Variants in SULT2A1 observed in about 807,000 individuals in gnomAD.
The protein encoded by SULT2A1 is sulfotransferase 2A1.
A neutral mutation model predicts 33.9 loss-of-function variants in SULT2A1; 43 were observed. The observed-to-expected ratio is 1.27, with a 90% confidence interval of 1.00 to 1.64. The LOEUF is 1.64. Among genes scored for constraint, SULT2A1 ranks in the 40% most tolerant of loss-of-function variants. The pLI is 0.00. For missense variants in SULT2A1, 300 were observed against 335.1 expected (o/e 0.90, Z 0.82); for synonymous variants, 125 against 113.6 (o/e 1.10, Z -0.64).
intron 4 of SULT2A1, 142 bp downstream of exon 4, chr19:47,878,894 T>C: frequency 1.5e-6 from 1 of 681,480 alleles, no homozygotes; most frequent in Non-Finnish European, 2.7e-6. Flanking sequence ...ACCAGGGAGT[T>C]AATCCTGCTC....
At chr19:47,885,764 C>T (rs57889801) in intron 1 of SULT2A1, among the ~76,000 whole-genome samples, 1 of 152,314 alleles carries the variant, frequency 6.6e-6, no homozygotes, top group Admixed American at 6.5e-5. Context: ...AGCCCTCCCC[C>T]CAAGTAATTT....
chr19:47,876,945 C>T (rs1307645907), intron 4 of SULT2A1, among the ~76,000 whole-genome samples: 6 of 149,038 alleles, frequency 4.0e-5, no homozygotes, highest in Admixed American at 6.8e-5. Context: ...GGCATGGCGG[C>T]GTGCATCTGT....
intron 3 of SULT2A1, among the ~76,000 whole-genome samples, chr19:47,879,801 A>G: frequency 6.8e-6 from 1 of 148,148 alleles, no homozygotes; most frequent in Non-Finnish European, 1.5e-5. Context: ...AGGGGGAGGG[A>G]TAGCATTAGG....
chr19:47,876,249 C>T (rs1968543109), intron 4 of SULT2A1, among the ~76,000 whole-genome samples: 1 of 152,130 alleles, frequency 6.6e-6, no homozygotes, highest in Non-Finnish European at 1.5e-5. Flanking sequence ...CTCCTGAGCT[C>T]AGGTGATCTG....
At chr19:47,874,146 G>A (rs1353918940) in intron 5 of SULT2A1, among the ~76,000 whole-genome samples, 5 of 152,120 alleles carry the variant, frequency 3.3e-5, no homozygotes, top group South Asian at 2.1e-4. Context: ...CTTCCCGGGC[G>A]GAACCAATTT....
chr19:47,880,059 A>T (rs1052923958), intron 3 of SULT2A1, among the ~76,000 whole-genome samples: 2 of 151,718 alleles, frequency 1.3e-5, no homozygotes, highest in African/African-American at 4.8e-5. Context: ...ACACAGTGAA[A>T]CCCTGTCTCT....
At chr19:47,884,211 A>C (rs1313125742) in intron 1 of SULT2A1, among the ~76,000 whole-genome samples, 1 of 150,196 alleles carries the variant, frequency 6.7e-6, no homozygotes, top group Non-Finnish European at 1.5e-5. Context: ...TTGCTCTGTC[A>C]CCCAGGCTGG....
At chr19:47,875,259 G>T (rs1011470009) in intron 4 of SULT2A1, among the ~76,000 whole-genome samples, 2 of 151,744 alleles carry the variant, frequency 1.3e-5, no homozygotes, top group Non-Finnish European at 2.9e-5. Flanking sequence ...GGAACAACAT[G>T]CAGATGTGAG....
rs1968482218 is a variant in SULT2A1, at chr19:47,870,805, C to A, written c.*650G>T. 6.8e-6 allele frequency: 1 copy of A among 147,534 alleles called. No individual in the cohort carries two copies. Among genetic ancestry groups the A allele is most frequent in the Non-Finnish European group, 1.5e-5 (1 of 65,504 alleles). The allele number at this position is 147,534 out of a possible 1,614,324, so 9.1% of individuals were successfully genotyped here. A position where few individuals can be genotyped will look rare whatever the true frequency, so the allele number is the denominator to read the frequency against. Reference sequence around the variant, plus strand: ...ATCCCATGACTCAACTCACTGCAACCTTTGCATCCCTGGGCTTTGAACCCT... The same window carrying A: ...ATCCCATGACTCAACTCACTGCAACATTTGCATCCCTGGGCTTTGAACCCT... On this transcript the variant is annotated 3_prime_UTR_variant, in exon 6 of 6. Coordinates refer to ENST00000222002, the MANE Select transcript of SULT2A1 (RefSeq NM_003167.4).
Position 47,883,782 on chromosome 19 carries a change from G to C in SULT2A1, c.140C>G (p.Thr47Arg), listed in dbSNP as rs1968626260. 1.2e-6 allele frequency: 2 copies of C among 1,613,808 alleles called. No individual in the cohort carries two copies. The highest frequency in any genetic ancestry group is 1.7e-6 in the Non-Finnish European group (2 of 1,179,824). ...VIILTYPKSG[T>R]NWLAEILCLM... ...GCAGAGAATCTCAGCCAACCAGTTT[G>C]TTCCTGGAAAAAGAAGGAAAAAAAT... The change falls in exon 2 of 6, where the codon ACA becomes AGA. Residue 47 changes from threonine to arginine, a missense_variant. Physicochemically the swap from Thr to Arg is moderately conservative, Grantham distance 71. Coordinates refer to ENST00000222002, the MANE Select transcript of SULT2A1 (RefSeq NM_003167.4).
At position 47,880,945 on chromosome 19, in the gene SULT2A1, G is replaced by A. The variant is rs190473554; in HGVS notation, c.472+1139C>T. ...GGTGAGGGGCCTAGGGGAGTGGGAT[G>A]GGAAAAGAGAATGCTTATGAAATAT... On this transcript the variant is annotated intron_variant, in intron 3 of 5. Transcript: ENST00000222002. Among the ~76,000 whole-genome samples the A allele has an allele frequency of 5.3e-5, 8 of 152,166 alleles. No homozygotes were observed. The East Asian group carries it at 1.5e-3, about 29-fold the overall frequency.
At chr19:47,875,669 A>C (rs1968537240) in intron 4 of SULT2A1, among the ~76,000 whole-genome samples, 2 of 152,106 alleles carry the variant, frequency 1.3e-5, no homozygotes, top group Admixed American at 1.3e-4. Context: ...AAAACAAAAC[A>C]AAACCAACCA....
At chr19:47,883,809 T>G (rs1308588581) in intron 1 of SULT2A1, 24 bp from the exon 2 acceptor site, 1 of 1,608,348 alleles carries the variant, frequency 6.2e-7, no homozygotes, top group East Asian at 2.2e-5. Flanking sequence ...GAAAAAAATA[T>G]ATAAAATGTA....
chr19:47,875,939 C>T (rs988072448), intron 4 of SULT2A1, among the ~76,000 whole-genome samples: 1 of 152,124 alleles, frequency 6.6e-6, no homozygotes, highest in Non-Finnish European at 1.5e-5. Flanking sequence ...TTTACAATAT[C>T]TTCTTATATT....
intron 5 of SULT2A1, 116 bp downstream of exon 5, chr19:47,874,541 G>A (rs1414672150): frequency 1.3e-4 from 46 of 345,208 alleles, no homozygotes; most frequent in Admixed American, 2.8e-4. Flanking sequence ...CTTCATCTCG[G>A]AAAAAAAAAA....
At chr19:47,885,249 C>T (rs1359989472) in intron 1 of SULT2A1, among the ~76,000 whole-genome samples, 1 of 152,186 alleles carries the variant, frequency 6.6e-6, no homozygotes, top group Non-Finnish European at 1.5e-5. Context: ...CCCCATTTAC[C>T]CTTCTCTTCA....
chr19:47,871,640 G>A, intron 5 of SULT2A1, 73 bp from the exon 6 acceptor site: 1 of 986,852 alleles, frequency 1.0e-6, no homozygotes, highest in Non-Finnish European at 1.6e-6. Flanking sequence ...CACCTGACAT[G>A]GACATTGTAG....
Position 47,874,837 on chromosome 19 carries a change from A to T in SULT2A1, c.568-3T>A. 6.2e-7 allele frequency: 1 copy of T among 1,611,716 alleles called. No individual in the cohort carries two copies. Among genetic ancestry groups the T allele is most frequent in the Non-Finnish European group, 8.5e-7 (1 of 1,179,178 alleles). On this transcript the variant is annotated splice_polypyrimidine_tract_variant and splice_region_variant and intron_variant, in intron 4 of 5. Coordinates refer to ENST00000222002, the MANE Select transcript of SULT2A1 (RefSeq NM_003167.4). ...TTCTCTATGGTTCTTCCTGTGTCCT[A>T]AAAAAGAAAAATCAAGAGAGAGGAT...
In SULT2A1 at chr19:47,870,670, A is replaced by G. The variant is rs1378902782; in HGVS notation, c.*785T>C. ...TGCTCTAAAATCTGTCACTGTAGCT[A>G]TTTCTTATTTTTATTAACAAACATT... On this transcript the variant is annotated 3_prime_UTR_variant, in exon 6 of 6. Transcript: ENST00000222002. The G allele has an allele frequency of 1.4e-5, 2 of 147,682 alleles. No individual in the cohort carries two copies. The highest frequency in any genetic ancestry group is 4.9e-5 in the African/African-American group (2 of 41,110). 9.1% of individuals were successfully genotyped at this position (147,682 alleles called of 1,614,324 possible). A position where few individuals can be genotyped will look rare whatever the true frequency, so the allele number is the denominator to read the frequency against.
Sources: allele counts gnomAD v4.1 joint callset (sites outside exome capture counted in the v4.1 genomes callset), GRCh38; gene constraint gnomAD v4.1.1; transcripts MANE v1.5; gene names NCBI Gene and HGNC (gene_info 2026-07-23, HGNC 2026-07-21).